KAZN: variants seen among roughly 807,000 people sequenced by gnomAD.
KAZN encodes the protein kazrin, periplakin interacting protein.
In KAZN, 40 loss-of-function variants were observed where a neutral mutation model predicts 87.4. That is an observed-to-expected ratio of 0.46 (90% CI 0.36 to 0.60). The LOEUF is 0.60. Among genes scored for constraint, KAZN ranks in the 20% least tolerant of loss-of-function variants. KAZN has a pLI of 0.00. For synonymous variants in KAZN, 466 were observed against 458.3 expected, an observed-to-expected ratio of 1.02 and a Z score of -0.22; for missense variants, 898 against 1,073.9, an observed-to-expected ratio of 0.84 and a Z score of 2.29.
At chr1:14,177,854 T>C (rs989221469) in intron 1 of KAZN, among the ~76,000 whole-genome samples, 2 of 152,034 alleles carry the variant, frequency 1.3e-5, no homozygotes, top group Non-Finnish European at 2.9e-5. Flanking sequence ...CTTCTCTGTG[T>C]TCATCCTGCT....
At chr1:14,635,855 C>G (rs1266262095) in intron 1 of KAZN, among the ~76,000 whole-genome samples, 3 of 152,202 alleles carry the variant, frequency 2.0e-5, no homozygotes, top group African/African-American at 7.2e-5. Flanking sequence ...ACCCAGCATG[C>G]CAGTGGTGCC....
intron 2 of KAZN, among the ~76,000 whole-genome samples, chr1:14,449,893 C>G (rs150146602): frequency 0.013 from 1,963 of 152,170 alleles, 56 homozygotes; most frequent in African/African-American, 0.045. Context: ...CCTTCTGACT[C>G]TAAGTTTGAG....
intron 2 of KAZN, among the ~76,000 whole-genome samples, chr1:14,209,492 A>G (rs977228048): frequency 2.0e-5 from 3 of 152,212 alleles, no homozygotes; most frequent in African/African-American, 7.2e-5. Flanking sequence ...CCCTTCACAA[A>G]TACTTTTTAA....
intron 1 of KAZN, among the ~76,000 whole-genome samples, chr1:14,936,456 T>C (rs1193290018): frequency 1.3e-5 from 2 of 152,174 alleles, no homozygotes; most frequent in Non-Finnish European, 2.9e-5. Context: ...TCCCGCACCA[T>C]GGGATATGCC....
At chr1:14,670,033 G>A (rs1017441063) in intron 1 of KAZN, among the ~76,000 whole-genome samples, 1 of 152,066 alleles carries the variant, frequency 6.6e-6, no homozygotes, top group African/African-American at 2.4e-5. Flanking sequence ...TGGCAAACTG[G>A]TGGCCCCTAG....
intron 1 of KAZN, among the ~76,000 whole-genome samples, chr1:14,064,046 G>C (rs148765386): frequency 1.3e-5 from 2 of 152,066 alleles, no homozygotes; most frequent in Non-Finnish European, 2.9e-5. Flanking sequence ...CTCCCGAGTA[G>C]CTGGGATTAC....
chr1:14,027,058 T>C (rs139858856), intron 1 of KAZN, among the ~76,000 whole-genome samples: 63 of 152,292 alleles, frequency 4.1e-4, no homozygotes, highest in African/African-American at 1.5e-3. Context: ...GAAAACCGTC[T>C]TGACATCCTA....
At chr1:14,195,417 G>A (rs1395210454) in intron 2 of KAZN, among the ~76,000 whole-genome samples, 2 of 151,896 alleles carry the variant, frequency 1.3e-5, no homozygotes, top group African/African-American at 2.4e-5. Context: ...AGCCCAGAGA[G>A]AATATGGTAG....
intron 1 of KAZN, among the ~76,000 whole-genome samples, chr1:14,605,343 G>A (rs186586930): frequency 8.1e-4 from 123 of 152,276 alleles, no homozygotes; most frequent in African/African-American, 2.9e-3. Flanking sequence ...GGCCAGCGAG[G>A]TGACAACTAT....
intron 1 of KAZN, among the ~76,000 whole-genome samples, chr1:14,625,648 G>A (rs1357799248): frequency 2.0e-5 from 3 of 152,188 alleles, no homozygotes; most frequent in Non-Finnish European, 4.4e-5. Flanking sequence ...AGCTAAAAGC[G>A]TTACTTTAAA....
intron 1 of KAZN, among the ~76,000 whole-genome samples, chr1:14,038,445 C>A (rs1464524210): frequency 1.3e-5 from 2 of 152,134 alleles, no homozygotes; most frequent in African/African-American, 4.8e-5. Flanking sequence ...ATTTAAAGGA[C>A]AGCACCTGGG....
rs1046875210 is a variant in KAZN, at chr1:15,117,019, G to T, written c.*2384G>T. 5 of 152,328 alleles carry T rather than the reference G, an allele frequency of 3.3e-5. No homozygotes were observed. The highest frequency in any genetic ancestry group is 1.2e-4 in the African/African-American group (5 of 41,574). The allele number at this position is 152,328 out of a possible 1,614,324, so 9.4% of individuals were successfully genotyped here. A position where few individuals can be genotyped will look rare whatever the true frequency, so the allele number is the denominator to read the frequency against. On this transcript the variant is annotated 3_prime_UTR_variant, in exon 15 of 15. Coordinates refer to ENST00000376030, the MANE Select transcript of KAZN (RefSeq NM_201628.3). ...TCCCTGACAGCCAGGTGAGCATTTG[G>T]AGCTGGTTTCTCAACATGAGGATGG...
At chr1:14,814,483 G>A (rs935582607) in intron 1 of KAZN, among the ~76,000 whole-genome samples, 1 of 152,172 alleles carries the variant, frequency 6.6e-6, no homozygotes, top group East Asian at 1.9e-4. Context: ...CAAAGTGCTG[G>A]GATTGCAGGC....
At chr1:14,341,336 T>G (rs929865211) in intron 2 of KAZN, among the ~76,000 whole-genome samples, 6 of 152,212 alleles carry the variant, frequency 3.9e-5, no homozygotes, top group African/African-American at 1.4e-4. Flanking sequence ...AGTTGACCCT[T>G]CTTGCTCCAT....
intron 2 of KAZN, among the ~76,000 whole-genome samples, chr1:14,367,876 T>C (rs1317998617): frequency 6.6e-6 from 1 of 152,176 alleles, no homozygotes; most frequent in Non-Finnish European, 1.5e-5. Flanking sequence ...TCTCAGATCC[T>C]TGGAGACTTT....
Position 15,094,111 on chromosome 1 carries a change from G to T in KAZN, c.1223-69G>T, listed in dbSNP as rs1640690954. The T allele has an allele frequency of 2.8e-6, 4 of 1,441,486 alleles. No individual in the cohort carries two copies. The African/African-American group carries it at 5.6e-5, about 20-fold the overall frequency. The allele number at this position is 1,441,486 out of a possible 1,614,324, so 89.3% of individuals were successfully genotyped here. A position where few individuals can be genotyped will look rare whatever the true frequency, so the allele number is the denominator to read the frequency against. ...CCCCACCACCCTCTGCCTCCCGGGGGTATGGCCTGCCCAGCCCCTGCCCCC... is the reference window on the plus strand; with the variant it reads ...CCCCACCACCCTCTGCCTCCCGGGGTTATGGCCTGCCCAGCCCCTGCCCCC... On this transcript the variant is annotated intron_variant, in intron 8 of 14. Coordinates refer to ENST00000376030, the MANE Select transcript of KAZN (RefSeq NM_201628.3). This position sits in a 1 kb window ranked among gnomAD's most constrained non-coding sequence, Gnocchi z 4.5.
At chr1:14,846,870 T>A (rs900000229) in intron 1 of KAZN, among the ~76,000 whole-genome samples, 1 of 152,152 alleles carries the variant, frequency 6.6e-6, no homozygotes, top group East Asian at 1.9e-4. Context: ...AGGGACTGAT[T>A]TGAGGCCACA....
Position 14,164,487 on chromosome 1 carries a change from A to G in KAZN, c.92-15948A>G, listed in dbSNP as rs374742640. Reference sequence around the variant, plus strand: ...GTGTGTGTGTGTGTGTGTGTTTGTAAATCTAGCCTCAAAAGTGATACTCCA... The same window carrying G: ...GTGTGTGTGTGTGTGTGTGTTTGTAGATCTAGCCTCAAAAGTGATACTCCA... On this transcript the variant is annotated intron_variant, in intron 1 of 16. Transcript: ENST00000636203. 1.5e-3 allele frequency among the ~76,000 whole-genome samples: 169 copies of G among 114,078 alleles called. 1 individual carries two copies. The highest frequency in any genetic ancestry group is 9.5e-3 in the Middle Eastern group (2 of 210). The allele number at this position is 114,078 out of a possible 152,430, so 74.8% of individuals were successfully genotyped here.
intron 8 of KAZN, among the ~76,000 whole-genome samples, chr1:15,068,710 G>A (rs1231938487): frequency 6.6e-6 from 1 of 151,804 alleles, no homozygotes; most frequent in African/African-American, 2.4e-5. Flanking sequence ...CTCCCCCAGC[G>A]AGACTCCACT....
Sources: gnomAD v4.1 joint callset for allele counts (sites outside exome capture counted in the v4.1 genomes callset) on GRCh38, gnomAD v4.1.1 for gene constraint, Gnocchi (gnomAD v3.1) non-coding constraint, MANE v1.5 for transcripts, NCBI Gene and HGNC (gene_info 2026-07-23, HGNC 2026-07-21) for gene names.